UNC5A: variants seen among roughly 807,000 people sequenced by gnomAD.
UNC5A encodes netrin receptor UNC5A.
UNC5A carries 20 observed loss-of-function variants against 87.4 expected under a neutral mutation model. The observed-to-expected ratio is 0.23, with a 90% CI of 0.16 to 0.33. UNC5A has a LOEUF of 0.33. UNC5A is among the 10% of genes least tolerant of loss of function. UNC5A has a pLI of 1.00. For synonymous variants in UNC5A, 438 were observed against 482.3 expected (o/e 0.91, Z 1.20); for missense variants, 844 against 1,133.4 (o/e 0.74, Z 3.67).
At chr5:176,828,232 C>T (rs1020981898) in intron 1 of UNC5A, among the ~76,000 whole-genome samples, 17 of 152,174 alleles carry the variant, frequency 1.1e-4, no homozygotes, top group African/African-American at 2.4e-4. Flanking sequence ...GCTGTGATTC[C>T]GAATACATTA....
At chr5:176,857,300 C>T (rs936132049) in intron 1 of UNC5A, among the ~76,000 whole-genome samples, 2 of 152,206 alleles carry the variant, frequency 1.3e-5, no homozygotes, top group Non-Finnish European at 2.9e-5. Flanking sequence ...TGGCACACAG[C>T]AGGCACTCAA....
chr5:176,879,660 G>C (rs1041709696), intron 14 of UNC5A, 61 bp from the exon 15 acceptor site: 103 of 1,591,362 alleles, frequency 6.5e-5, no homozygotes, highest in East Asian at 5.2e-4. Flanking sequence ...TGGGCCAGGG[G>C]GGGCAGGAGG....
chr5:176,855,618 G>A (rs1757648280), intron 1 of UNC5A, among the ~76,000 whole-genome samples: 1 of 152,226 alleles, frequency 6.6e-6, no homozygotes, highest in Non-Finnish European at 1.5e-5. Context: ...CGCCGCCGGT[G>A]TGGAGGGATC....
At chr5:176,843,445 G>A (rs1757328739) in intron 1 of UNC5A, among the ~76,000 whole-genome samples, 1 of 152,202 alleles carries the variant, frequency 6.6e-6, no homozygotes, top group Non-Finnish European at 1.5e-5. Flanking sequence ...GAAGGGGGTT[G>A]GGAGGGGGGA....
At chr5:176,846,328 G>A (rs1011231969) in intron 1 of UNC5A, among the ~76,000 whole-genome samples, 1 of 152,054 alleles carries the variant, frequency 6.6e-6, no homozygotes, top group Admixed American at 6.6e-5. Flanking sequence ...AAGCCAGGTT[G>A]TAGGAGGTGG....
intron 13 of UNC5A, 134 bp from the exon 14 acceptor site, chr5:176,879,176 G>A (rs1006925817): frequency 9.2e-7 from 1 of 1,090,452 alleles, no homozygotes; most frequent in African/African-American, 1.6e-5. Context: ...GCACATGGGA[G>A]GTGCCCAGGA....
chr5:176,879,584 T>C (rs1758365103), intron 14 of UNC5A, 96 bp downstream of exon 14: 1 of 1,541,726 alleles, frequency 6.5e-7, no homozygotes, highest in Non-Finnish European at 8.7e-7. Flanking sequence ...CTGTGGGGCC[T>C]GTGCCGCATC....
chr5:176,833,981 G>T (rs1355169357), intron 1 of UNC5A, among the ~76,000 whole-genome samples: 1 of 151,854 alleles, frequency 6.6e-6, no homozygotes, highest in Non-Finnish European at 1.5e-5. Context: ...TGGGATTACA[G>T]GTGTGAGCCA....
At chr5:176,870,563 T>C (rs1758084696) in intron 6 of UNC5A, 29 bp downstream of exon 6, 1 of 1,548,008 alleles carries the variant, frequency 6.5e-7, no homozygotes, top group Non-Finnish European at 8.8e-7. Context: ...GAGGTCCTCT[T>C]CTGTTTGCCT....
intron 1 of UNC5A, among the ~76,000 whole-genome samples, chr5:176,858,669 C>T (rs1346266104): frequency 1.4e-5 from 2 of 146,336 alleles, no homozygotes; most frequent in Non-Finnish European, 3.0e-5. Flanking sequence ...CACTACCTGG[C>T]GTTGTCTTTG....
rs374232238 is a variant in UNC5A at position 176,844,066 on chromosome 5, C to T, written c.71-18558C>T. On this transcript the variant is annotated intron_variant, in intron 1 of 14. Coordinates refer to ENST00000329542, the MANE Select transcript of UNC5A (RefSeq NM_133369.3). The surrounding 1 kb of genome is among the most constrained non-coding windows in gnomAD (Gnocchi z 4.2). The stretch of plus-strand genomic sequence containing the variant: ...ATTTACAGAGACAGGAGGCAGGGGA[C>T]GGGGAGGACGAGGAGGAGGGGCCCT... Among the ~76,000 whole-genome samples, 47 of 152,190 alleles carry T rather than the reference C, an allele frequency of 3.1e-4. No individual in the cohort carries two copies. The highest frequency in any genetic ancestry group is 1.0e-3 in the African/African-American group (43 of 41,508).
chr5:176,869,709 G>A lies in UNC5A; in HGVS notation c.722-661G>A, dbSNP rs868818662. 1 of 676,682 alleles carries A rather than the reference G, an allele frequency of 1.5e-6. No individual in the cohort carries two copies. Among genetic ancestry groups the A allele is most frequent in the Non-Finnish European group, 2.7e-6 (1 of 368,348 alleles). The allele number at this position is 676,682 out of a possible 1,614,324, so 41.9% of individuals were successfully genotyped here. Reference sequence around the variant, plus strand: ...ACGGAGCCGGAGCTGCACCAACCCGGCGCCTCTCAACGGGGGCGCTTTCTG... The same window carrying A: ...ACGGAGCCGGAGCTGCACCAACCCGACGCCTCTCAACGGGGGCGCTTTCTG... On this transcript the variant is annotated intron_variant, in intron 5 of 14. Coordinates refer to ENST00000329542, the MANE Select transcript of UNC5A (RefSeq NM_133369.3). The surrounding 1 kb of genome is among the most constrained non-coding windows in gnomAD (Gnocchi z 9.1).
In UNC5A at chr5:176,879,366, G is replaced by T. The variant is rs149662235; in HGVS notation, c.2241G>T (p.Leu747=). ...AGAGTGAAGCGGGGGTCCCAGCCCT[G>T]GTGGGCCCCAGTGCCTTCAAGATCC... ...ALESEAGVPA[L]VGPSAFKIPF... Residue 747 remains leucine, a synonymous_variant, in exon 14 of 15, where the codon CTG becomes CTT. Transcript: ENST00000329542. 1 of 1,612,822 alleles carries T rather than the reference G, an allele frequency of 6.2e-7. No individual in the cohort carries two copies. Among genetic ancestry groups the T allele is most frequent in the East Asian group, 2.2e-5 (1 of 44,850 alleles).
chr5:176,864,898 G>A (rs753132144), intron 2 of UNC5A: 2 of 451,152 alleles, frequency 4.4e-6, no homozygotes, highest in Non-Finnish European at 8.9e-6. Flanking sequence ...GCCTCTCCCG[G>A]CCCCAGCGGA....
chr5:176,867,443 A>G (rs2149366046), intron 2 of UNC5A, among the ~76,000 whole-genome samples: 1 of 151,960 alleles, frequency 6.6e-6, no homozygotes, highest in East Asian at 1.9e-4. Flanking sequence ...CCCTCTTCCA[A>G]AGTTTCTCCC....
intron 1 of UNC5A, among the ~76,000 whole-genome samples, chr5:176,854,456 T>A (rs1209403122): frequency 6.6e-6 from 1 of 152,080 alleles, no homozygotes; most frequent in Non-Finnish European, 1.5e-5. Context: ...TCAGCCCCAC[T>A]CCCCTGCGTG....
intron 1 of UNC5A, among the ~76,000 whole-genome samples, chr5:176,857,360 C>T (rs1273557259): frequency 6.6e-6 from 1 of 152,198 alleles, no homozygotes; most frequent in Non-Finnish European, 1.5e-5. Context: ...AAGGTGGCAT[C>T]CGTCCCAGGC....
chr5:176,834,665 T>TTCTCTCTCTCTCTCTCTC lies in UNC5A; in HGVS notation c.70+23867_70+23884dup, dbSNP rs369472376. Among the ~76,000 whole-genome samples, 199 of 101,348 alleles carry TTCTCTCTCTCTCTCTCTC rather than the reference T, an allele frequency of 2.0e-3. 6 individuals are homozygous for TTCTCTCTCTCTCTCTCTC. Among genetic ancestry groups the TTCTCTCTCTCTCTCTCTC allele is most frequent in the Middle Eastern group, 0.011 (2 of 182 alleles). 66.5% of individuals were successfully genotyped at this position (101,348 alleles called of 152,430 possible). ...TCTCTGCAGGTTCCCACGTCCCGTC[T>TTCTCTCTCTCTCTCTCTC]TCTCTCTCTCTCTCTCTCTCTCTCT... is the stretch of plus-strand genomic sequence containing the variant. On this transcript the variant is annotated intron_variant, in intron 1 of 14. Transcript: ENST00000329542.
chr5:176,827,031 C>T (rs1272542632), intron 1 of UNC5A, among the ~76,000 whole-genome samples: 1 of 152,072 alleles, frequency 6.6e-6, no homozygotes, highest in Non-Finnish European at 1.5e-5. Flanking sequence ...AACTTGCTTT[C>T]TGTCTCTACG....
Sources: gnomAD v4.1 joint callset for allele counts (sites outside exome capture counted in the v4.1 genomes callset) on GRCh38, gnomAD v4.1.1 for gene constraint, Gnocchi (gnomAD v3.1) non-coding constraint, MANE v1.5 for transcripts, NCBI Gene and HGNC (gene_info 2026-07-23, HGNC 2026-07-21) for gene names.